Variants in PRKG1 observed in about 807,000 individuals in gnomAD.
PRKG1 encodes cGMP-dependent protein kinase 1.
PRKG1 carries 35 observed loss-of-function variants against 88.1 expected under a neutral mutation model. The observed-to-expected ratio is 0.40, with a 90% CI of 0.30 to 0.53. The LOEUF is 0.53. Ranked by LOEUF, PRKG1 falls within the 20% of genes least tolerant of loss-of-function variation. The pLI is 0.59. For synonymous variants in PRKG1, 303 were observed against 292.5 expected, an observed-to-expected ratio of 1.04 and a Z score of -0.37; for missense variants, 540 against 839.8, an observed-to-expected ratio of 0.64 and a Z score of 4.41.
chr10:51,723,364 A>C (rs528838489), intron 3 of PRKG1, among the ~76,000 whole-genome samples: 2 of 152,324 alleles, frequency 1.3e-5, no homozygotes, highest in Non-Finnish European at 2.9e-5. Flanking sequence ...CAGCAAACTA[A>C]TACACGAATA....
At chr10:52,087,774 T>C (rs1253003495) in intron 7 of PRKG1, among the ~76,000 whole-genome samples, 1 of 152,010 alleles carries the variant, frequency 6.6e-6, no homozygotes, top group Admixed American at 6.6e-5. Flanking sequence ...TTGGTAGGAG[T>C]GTCTGAGAAA....
chr10:51,299,557 G>C (rs773009839), intron 2 of PRKG1: 1 of 471,584 alleles, frequency 2.1e-6, no homozygotes, highest in Middle Eastern at 3.2e-4. Flanking sequence ...TTCACAGCCT[G>C]TAACATATGT....
chr10:52,157,064 C>G (rs1043254327), intron 8 of PRKG1, among the ~76,000 whole-genome samples: 1 of 151,108 alleles, frequency 6.6e-6, no homozygotes, highest in Admixed American at 6.6e-5. Flanking sequence ...AAGAAAAAAT[C>G]TGTTTTGAAT....
At chr10:52,119,887 G>A (rs113255740) in intron 7 of PRKG1, among the ~76,000 whole-genome samples, 35 of 152,232 alleles carry the variant, frequency 2.3e-4, no homozygotes, top group African/African-American at 7.2e-4. Context: ...AAAGGGAAGA[G>A]AGCACAGGCA....
intron 5 of PRKG1, among the ~76,000 whole-genome samples, chr10:51,985,302 C>G (rs1239696966): frequency 1.3e-5 from 2 of 148,916 alleles, no homozygotes; most frequent in Admixed American, 1.3e-4. Flanking sequence ...TTGACAGAGG[C>G]AAAATATAGT....
intron 3 of PRKG1, among the ~76,000 whole-genome samples, chr10:51,615,577 C>A (rs1839028475): frequency 7.1e-6 from 1 of 140,872 alleles, no homozygotes; most frequent in Admixed American, 7.2e-5. Context: ...GAGATTATTT[C>A]TTCTGCTTGA....
At chr10:51,122,775 A>T (rs1490634339) in intron 1 of PRKG1, among the ~76,000 whole-genome samples, 1 of 152,190 alleles carries the variant, frequency 6.6e-6, no homozygotes, top group African/African-American at 2.4e-5. Context: ...AGCATCAATA[A>T]TGTCATAAAC....
At chr10:51,943,388 G>A (rs1842952939) in intron 5 of PRKG1, among the ~76,000 whole-genome samples, 1 of 151,960 alleles carries the variant, frequency 6.6e-6, no homozygotes, top group Non-Finnish European at 1.5e-5. Flanking sequence ...ATACAATCAT[G>A]TCATCTGCAA....
chr10:51,552,688 A>T (rs867560762), intron 3 of PRKG1, among the ~76,000 whole-genome samples: 2 of 151,790 alleles, frequency 1.3e-5, no homozygotes, highest in Admixed American at 6.6e-5. Context: ...ATTCAATGGC[A>T]GTCATCAATT....
At chr10:52,061,280 C>T (rs1001593323) in intron 6 of PRKG1, among the ~76,000 whole-genome samples, 4 of 152,048 alleles carry the variant, frequency 2.6e-5, no homozygotes, top group Non-Finnish European at 5.9e-5. Context: ...TTACACAGAC[C>T]TTCTTAATAC....
chr10:51,749,632 G>C (rs1020285481), intron 3 of PRKG1, among the ~76,000 whole-genome samples: 4 of 152,138 alleles, frequency 2.6e-5, no homozygotes, highest in Admixed American at 2.0e-4. Flanking sequence ...ATTGTCCTCA[G>C]CAAGTTCTTT....
At chr10:52,118,977 A>C (rs1204353179) in intron 7 of PRKG1, among the ~76,000 whole-genome samples, 1 of 152,156 alleles carries the variant, frequency 6.6e-6, no homozygotes, top group Non-Finnish European at 1.5e-5. Flanking sequence ...GGTTTTATAC[A>C]CATTTATTAC....
At chr10:51,229,945 AAAAGAAAAAG>A (rs1838797304) in intron 2 of PRKG1, among the ~76,000 whole-genome samples, 2 of 150,750 alleles carry the variant, frequency 1.3e-5, no homozygotes, top group African/African-American at 4.9e-5. Context: ...AAAAAAAAAA[AAAAGAAAAAG>A]AAAAAAGAAA....
At chr10:51,743,756 A>G (rs1161203749) in intron 3 of PRKG1, among the ~76,000 whole-genome samples, 1 of 127,950 alleles carries the variant, frequency 7.8e-6, no homozygotes, top group Non-Finnish European at 1.6e-5. Context: ...ATATATATAT[A>G]TATATATATT....
At position 51,406,621 on chromosome 10, in the gene PRKG1, G is replaced by GT. The variant is rs34189565; in HGVS notation, c.479-61085dup. 4.7e-3 allele frequency among the ~76,000 whole-genome samples: 672 copies of GT among 141,988 alleles called. 3 individuals carry two copies. Among genetic ancestry groups the GT allele is most frequent in the East Asian group, 0.034 (161 of 4,738 alleles). The allele number at this position is 141,988 out of a possible 152,430, so 93.1% of individuals were successfully genotyped here. A position where few individuals can be genotyped will look rare whatever the true frequency, so the allele number is the denominator to read the frequency against. ...TGGCAAGAAAATAAGCATTATGTTTGTTTTTTTTTTTTTTTTTATGAGACC... is the reference window on the plus strand; with the variant it reads ...TGGCAAGAAAATAAGCATTATGTTTGTTTTTTTTTTTTTTTTTTATGAGACC... On this transcript the variant is annotated intron_variant, in intron 2 of 17. Coordinates refer to ENST00000373980, the MANE Select transcript of PRKG1 (RefSeq NM_006258.4).
intron 4 of PRKG1, among the ~76,000 whole-genome samples, chr10:51,875,284 A>G (rs1199484297): frequency 1.3e-5 from 2 of 149,266 alleles, no homozygotes; most frequent in Non-Finnish European, 3.0e-5. Context: ...TAACTGGTGA[A>G]TGTGAGAAAT....
At chr10:52,116,934 T>C (rs1847700591) in intron 7 of PRKG1, among the ~76,000 whole-genome samples, 1 of 152,032 alleles carries the variant, frequency 6.6e-6, no homozygotes, top group African/African-American at 2.4e-5. Flanking sequence ...TTAAGCAATA[T>C]AGAGTAACTC....
intron 4 of PRKG1, among the ~76,000 whole-genome samples, chr10:51,816,133 G>T (rs903362097): frequency 6.6e-6 from 1 of 152,104 alleles, no homozygotes; most frequent in Admixed American, 6.6e-5. Context: ...ATTTTACTGA[G>T]GCAGTAACCA....
At chr10:51,390,011 C>T (rs561403138) in intron 2 of PRKG1, among the ~76,000 whole-genome samples, 1 of 152,318 alleles carries the variant, frequency 6.6e-6, no homozygotes, top group South Asian at 2.1e-4. Context: ...TCATCCCTCC[C>T]TAATTGCTTG....
Sources: gnomAD v4.1 joint callset for allele counts (sites outside exome capture counted in the v4.1 genomes callset) on GRCh38, gnomAD v4.1.1 for gene constraint, MANE v1.5 for transcripts, NCBI Gene and HGNC (gene_info 2026-07-23, HGNC 2026-07-21) for gene names.